The following PDLIM3 variants were observed in gnomAD, a reference collection of about 807,000 sequenced individuals.
PDLIM3 encodes PDZ and LIM domain 3.
In PDLIM3, 36 loss-of-function variants were observed where a neutral mutation model predicts 37.3. That is an observed-to-expected ratio of 0.97 (90% CI 0.74 to 1.28). The LOEUF (loss-of-function observed/expected upper bound fraction) is 1.28. Among genes scored for constraint, PDLIM3 ranks in the 50% most tolerant of loss-of-function variants. PDLIM3 has a pLI of 0.00. For synonymous variants in PDLIM3, 174 were observed against 182.4 expected, an observed-to-expected ratio of 0.95 and a Z score of 0.37; for missense variants, 454 against 485.0, an observed-to-expected ratio of 0.94 and a Z score of 0.60.
At chr4:185,508,207 T>C in intron 5 of PDLIM3, 92 bp downstream of exon 5, 1 of 1,243,814 alleles carries the variant, frequency 8.0e-7, no homozygotes, top group Non-Finnish European at 1.2e-6. Flanking sequence ...ATAGCTTTCT[T>C]TCCATTAAGA....
chr4:185,514,530 A>C lies in PDLIM3; in HGVS notation c.331-193T>G. 1 of 1,285,784 alleles carries C rather than the reference A, an allele frequency of 7.8e-7. No homozygotes were observed. Among genetic ancestry groups the C allele is most frequent in the South Asian group, 1.4e-5 (1 of 73,376 alleles). The allele number at this position is 1,285,784 out of a possible 1,614,324, so 79.6% of individuals were successfully genotyped here. ...CCGCTAAACGGTCAGGCACTGGCGG[A>C]TTGGACCCCACAACAATTAGAACAT... On this transcript the variant is annotated intron_variant, in intron 3 of 7. Coordinates refer to ENST00000284767, the MANE Select transcript of PDLIM3 (RefSeq NM_014476.6). This position sits in a 1 kb window ranked among gnomAD's most constrained non-coding sequence, Gnocchi z 4.0.
rs1280400272 is a variant in PDLIM3 at position 185,506,604 on chromosome 4, G to C, written c.711C>G (p.Leu237=). ...GTGTGGGCTCATTCCGATTGTCGTG[G>C]AGCATCCGGTACACGTCCGACTCGG... is the stretch of plus-strand genomic sequence containing the variant. The part of the protein sequence containing the change: ...VPPESDVYRM[L]HDNRNEPTQP... Residue 237 remains leucine (L), a synonymous_variant, in exon 6 of 8, where the codon CTC becomes CTG. Transcript: ENST00000284767. The C allele has an allele frequency of 1.2e-6, 2 of 1,611,454 alleles. No homozygotes were observed. Among genetic ancestry groups the C allele is most frequent in the African/African-American group, 2.7e-5 (2 of 75,036 alleles).
rs2095740670 is a variant in PDLIM3 at position 185,529,744 on chromosome 4, AC to A, written c.94-4574del. On this transcript the variant is annotated intron_variant, in intron 1 of 7. Coordinates refer to ENST00000284767, the MANE Select transcript of PDLIM3 (RefSeq NM_014476.6). ...TATTACTATTGAGAACTATTATCTC[AC>A]ATAATTCTTAAGACAATCTTACAAC... Among the ~76,000 whole-genome samples, 10 of 152,378 alleles carry A rather than the reference AC, an allele frequency of 6.6e-5. No individual in the cohort carries two copies. In the South Asian group the frequency reaches 2.1e-3, roughly 32 times the overall value.
chr4:185,516,545 T>C (rs2095715316), intron 3 of PDLIM3: 1 of 152,200 alleles, frequency 6.6e-6, no homozygotes, highest in South Asian at 2.1e-4. Flanking sequence ...GAGTTTTTCA[T>C]AGAAGATTCT....
chr4:185,523,379 A>G lies in PDLIM3; in HGVS notation c.313T>C (p.Leu105=). The G allele has an allele frequency of 6.2e-7, 1 of 1,609,870 alleles. No individual in the cohort carries two copies. Residue 105 remains leucine (L), a synonymous_variant, in exon 3 of 8, where the codon TTA becomes CTA. Transcript: ENST00000284767. ...DGKAHPFKIN[L]ESEPQDGNYF... is the part of the protein sequence containing the mutation. Reference sequence around the variant, plus strand: ...ACGCATACCTGTGGTTCTGATTCTAAGTTGATTTTGAAAGGATGGGCTTTC... The same window carrying G: ...ACGCATACCTGTGGTTCTGATTCTAGGTTGATTTTGAAAGGATGGGCTTTC...
Position 185,502,426 on chromosome 4 carries a change from G to C in PDLIM3, c.963C>G (p.Ala321=), listed in dbSNP as rs148518020. 6.2e-7 allele frequency: 1 copy of C among 1,614,142 alleles called. No individual in the cohort carries two copies. The highest frequency in any genetic ancestry group is 1.1e-5 in the South Asian group (1 of 91,078). ...TTTGCTTGAGGTTGAGGTTGCAGTC[G>C]GCACACACGAAGCACTCAGGGTGCC... ...KYRHPECFVC[A]DCNLNLKQKG... The change falls in exon 8 of 8, where the codon GCC becomes GCG. Residue 321 remains alanine (A), a synonymous_variant. Transcript: ENST00000284767.
chr4:185,513,384 C>T (rs1458674836), intron 4 of PDLIM3: 1 of 982,732 alleles, frequency 1.0e-6, no homozygotes, highest in Non-Finnish European at 1.2e-6. Context: ...TGACAGGAGT[C>T]ATAAGCTCGG....
intron 3 of PDLIM3, among the ~76,000 whole-genome samples, chr4:185,517,900 T>C (rs973252654): frequency 6.6e-6 from 1 of 152,190 alleles, no homozygotes; most frequent in African/African-American, 2.4e-5. Context: ...TACATCATTG[T>C]TGATGGTCAA....
intron 1 of PDLIM3, among the ~76,000 whole-genome samples, chr4:185,533,953 C>T (rs4385121): frequency 0.93 from 140,938 of 152,244 alleles, 65,941 homozygotes; most frequent in East Asian, 1. Context: ...GAAACTAAAA[C>T]ATTTCTTAGT....
chr4:185,513,352 A>G, intron 4 of PDLIM3: 2 of 985,122 alleles, frequency 2.0e-6, no homozygotes, highest in Non-Finnish European at 2.4e-6. Context: ...TACATAAGGG[A>G]TGACCTGCTA....
rs1554039694 is a variant in PDLIM3 at position 185,525,064 on chromosome 4, G to A, written c.201C>T (p.Asp67=). The change falls in exon 2 of 8, where the codon GAC becomes GAT. Residue 67 remains aspartate, a synonymous_variant. Transcript: ENST00000284767. Reference sequence around the variant, plus strand: ...GCTGGTGAGCTGCTGCTTTAATCCTGTCCTGCGCATCAGCATGAGTCATGG... The same window carrying A: ...GCTGGTGAGCTGCTGCTTTAATCCTATCCTGCGCATCAGCATGAGTCATGG... ...TESMTHADAQ[D]RIKAAAHQLC... is the part of the protein sequence containing the mutation. 6.2e-7 allele frequency: 1 copy of A among 1,614,138 alleles called. No individual in the cohort carries two copies. The highest frequency in any genetic ancestry group is 8.5e-7 in the Non-Finnish European group (1 of 1,180,000).
At chr4:185,524,953 T>C in intron 2 of PDLIM3, 67 bp downstream of exon 2, 1 of 1,518,896 alleles carries the variant, frequency 6.6e-7, no homozygotes, top group Non-Finnish European at 9.1e-7. Flanking sequence ...GATGAAGTTA[T>C]TTATAGTTCT....
chr4:185,529,103 C>T (rs1580266608), intron 1 of PDLIM3, among the ~76,000 whole-genome samples: 1 of 152,132 alleles, frequency 6.6e-6, no homozygotes, highest in Non-Finnish European at 1.5e-5. Flanking sequence ...TCATTGAACA[C>T]GGTACTGCAG....
In PDLIM3 at chr4:185,512,592, T is replaced by C; in HGVS notation, c.398+1678A>G. 4 of 896,904 alleles carry C rather than the reference T, an allele frequency of 4.5e-6. No homozygotes were observed. In the South Asian group the frequency reaches 2.1e-4, roughly 46 times the overall value. 55.6% of individuals were successfully genotyped at this position (896,904 alleles called of 1,614,324 possible). The stretch of plus-strand genomic sequence containing the variant: ...TTATATACCTAGGATTCTCTGACTT[T>C]CCTGACTTTTTATAAAATTAAATGT... On this transcript the variant is annotated intron_variant, in intron 4 of 7. Transcript: ENST00000284767.
At chr4:185,515,154 A>C (rs983779079) in intron 3 of PDLIM3, 1 of 250,582 alleles carries the variant, frequency 4.0e-6, no homozygotes, top group Non-Finnish European at 7.5e-6. Flanking sequence ...TGCACCTCTT[A>C]TCTGCCCCTG....
At chr4:185,513,234 G>GA in intron 4 of PDLIM3, 1 of 985,410 alleles carries the variant, frequency 1.0e-6, no homozygotes, top group Non-Finnish European at 1.2e-6. Flanking sequence ...TGCTCCTCTG[G>GA]TCCAGGGCTC....
At chr4:185,520,391 C>T (rs2153337437) in intron 3 of PDLIM3, among the ~76,000 whole-genome samples, 1 of 152,258 alleles carries the variant, frequency 6.6e-6, no homozygotes, top group South Asian at 2.1e-4. Context: ...TGTTTCAAGG[C>T]TCCATCTGAC....
intron 1 of PDLIM3, among the ~76,000 whole-genome samples, chr4:185,531,926 T>A (rs866850396): frequency 1.4e-4 from 15 of 105,896 alleles, no homozygotes; most frequent in Middle Eastern, 5.1e-3. Context: ...CTATCTCTAC[T>A]AAAAAAAAAA....
rs555855515 is a variant in PDLIM3 at position 185,502,163 on chromosome 4, T to C, written c.*131A>G. ...TCCTTTTCCTCAATAAACAATAGGA[T>C]AAAGGTCTAAAGCCTTGACTTTAGA... On this transcript the variant is annotated 3_prime_UTR_variant, in exon 8 of 8. Transcript: ENST00000284767. 1 of 929,958 alleles carries C rather than the reference T, an allele frequency of 1.1e-6. No individual in the cohort carries two copies. The highest frequency in any genetic ancestry group is 2.5e-5 in the East Asian group (1 of 39,830). 57.6% of individuals were successfully genotyped at this position (929,958 alleles called of 1,614,324 possible). A position where few individuals can be genotyped will look rare whatever the true frequency, so the allele number is the denominator to read the frequency against.
Sources: gnomAD v4.1 joint callset for allele counts (sites outside exome capture counted in the v4.1 genomes callset) on GRCh38, gnomAD v4.1.1 for gene constraint, Gnocchi (gnomAD v3.1) non-coding constraint, MANE v1.5 for transcripts, NCBI Gene and HGNC (gene_info 2026-07-23, HGNC 2026-07-21) for gene names.